Variants in CSMD1 observed in about 807,000 individuals in gnomAD.
CSMD1 encodes CUB and Sushi multiple domains 1.
In CSMD1, 213 loss-of-function variants were observed where a neutral mutation model predicts 417.5. That is an observed-to-expected ratio of 0.51 (90% CI 0.46 to 0.57). The LOEUF (loss-of-function observed/expected upper bound fraction) is 0.57, where lower values mean the gene tolerates loss of function less well. Among genes scored for constraint, CSMD1 ranks in the 20% least tolerant of loss-of-function variants. CSMD1 has a pLI of 0.00. For synonymous variants in CSMD1, 2,862 were observed against 1,736.8 expected (o/e 1.65, Z -16.11); for missense variants, 6,923 against 4,529.7 (o/e 1.53, Z -15.17).
intron 49 of CSMD1, among the ~76,000 whole-genome samples, chr8:3,072,877 T>C (rs556938493): frequency 6.6e-6 from 1 of 152,300 alleles, no homozygotes; most frequent in East Asian, 1.9e-4. Context: ...ATAAATATCA[T>C]GTTAATTCAG....
intron 1 of CSMD1, among the ~76,000 whole-genome samples, chr8:4,911,191 C>T (rs1435582081): frequency 6.6e-6 from 1 of 152,200 alleles, no homozygotes; most frequent in South Asian, 2.1e-4. Flanking sequence ...AATACCAATG[C>T]ACATTAAAGA....
At chr8:4,178,396 A>T (rs1474334163) in intron 3 of CSMD1, among the ~76,000 whole-genome samples, 1 of 150,266 alleles carries the variant, frequency 6.7e-6, no homozygotes, top group Admixed American at 6.7e-5. Context: ...CATGCTAAAA[A>T]CTCTCAATAA....
At chr8:3,230,677 C>A (rs1271598245) in intron 26 of CSMD1, among the ~76,000 whole-genome samples, 2 of 152,032 alleles carry the variant, frequency 1.3e-5, no homozygotes, top group East Asian at 3.9e-4. Flanking sequence ...ATCCAATAAC[C>A]TTTGTTGAGA....
At chr8:4,609,718 C>A (rs1205643145) in intron 2 of CSMD1, among the ~76,000 whole-genome samples, 15 of 151,934 alleles carry the variant, frequency 9.9e-5, no homozygotes. Context: ...GCAATTTAAA[C>A]AAGAAAACAG....
At chr8:3,111,730 G>C (rs1186859453) in intron 42 of CSMD1, among the ~76,000 whole-genome samples, 1 of 152,094 alleles carries the variant, frequency 6.6e-6, no homozygotes, top group South Asian at 2.1e-4. Flanking sequence ...TACTTGGGGG[G>C]TTGAGGCAGG....
intron 4 of CSMD1, among the ~76,000 whole-genome samples, chr8:4,020,467 G>A (rs1458428152): frequency 6.6e-6 from 1 of 152,180 alleles, no homozygotes; most frequent in Non-Finnish European, 1.5e-5. Context: ...GCTTGGTTAT[G>A]TGACCGCTAG....
Position 3,075,749 on chromosome 8 carries a change from A to T in CSMD1, c.7474+11348T>A, listed in dbSNP as rs1333629347. 1.1e-4 allele frequency among the ~76,000 whole-genome samples: 16 copies of T among 152,148 alleles called. 1 individual carries two copies. Among genetic ancestry groups the T allele is most frequent in the Middle Eastern group, 6.8e-3 (2 of 294 alleles). On this transcript the variant is annotated intron_variant, in intron 49 of 69. Transcript: ENST00000635120. ...TTTTTATCTGCAGACACATTAAGTAAGAAATACATTGGCTGGGCGCGGTGG... is the reference window on the plus strand; with the variant it reads ...TTTTTATCTGCAGACACATTAAGTATGAAATACATTGGCTGGGCGCGGTGG...
At chr8:3,900,895 G>A (rs568103919) in intron 5 of CSMD1, among the ~76,000 whole-genome samples, 1 of 152,214 alleles carries the variant, frequency 6.6e-6, no homozygotes, top group Non-Finnish European at 1.5e-5. Flanking sequence ...GCGTTTGCTT[G>A]ATCTGAGTCC....
chr8:4,054,615 C>T (rs922810738), intron 3 of CSMD1, among the ~76,000 whole-genome samples: 19 of 152,142 alleles, frequency 1.2e-4, no homozygotes, highest in Non-Finnish European at 2.2e-4. Context: ...TAGCTTATTT[C>T]CCCATCGGAC....
intron 3 of CSMD1, among the ~76,000 whole-genome samples, chr8:4,133,471 A>C (rs1293016062): frequency 6.6e-6 from 1 of 152,116 alleles, no homozygotes; most frequent in Admixed American, 6.5e-5. Context: ...TTCAGCCCCA[A>C]ATCAGCTAGT....
At chr8:2,976,358 C>A (rs1452859672) in intron 55 of CSMD1, among the ~76,000 whole-genome samples, 1 of 152,036 alleles carries the variant, frequency 6.6e-6, no homozygotes, top group Non-Finnish European at 1.5e-5. Flanking sequence ...CATTTCCCTC[C>A]TCATTTCTAT....
intron 26 of CSMD1, among the ~76,000 whole-genome samples, chr8:3,281,858 T>C (rs925249190): frequency 6.6e-6 from 1 of 152,152 alleles, no homozygotes; most frequent in Non-Finnish European, 1.5e-5. Flanking sequence ...GATTGGATCA[T>C]GGGGGTAGTT....
At chr8:3,556,547 C>CACAT (rs1799160597) in intron 10 of CSMD1, among the ~76,000 whole-genome samples, 1 of 56,564 alleles carries the variant, frequency 1.8e-5, no homozygotes, top group Admixed American at 1.6e-4. Flanking sequence ...CACACACACA[C>CACAT]ACACCCTCTC....
intron 3 of CSMD1, among the ~76,000 whole-genome samples, chr8:4,398,806 T>A (rs1804447232): frequency 1.3e-5 from 2 of 152,232 alleles, no homozygotes; most frequent in South Asian, 4.1e-4. Flanking sequence ...TGAATGACCC[T>A]ATCTTGTGTG....
chr8:4,994,267 CG>C, intron 1 of CSMD1, 64 bp downstream of exon 1: 1 of 1,471,772 alleles, frequency 6.8e-7, no homozygotes, highest in East Asian at 2.3e-5. Flanking sequence ...AACGCACACT[CG>C]CGTCCGCACA....
At chr8:4,520,190 A>G (rs1113226) in intron 2 of CSMD1, among the ~76,000 whole-genome samples, 40,798 of 152,036 alleles carry the variant, frequency 0.27, 6,509 homozygotes, top group South Asian at 0.35. Flanking sequence ...ACTCATAAAA[A>G]TGCAATATCG....
chr8:4,693,506 T>A (rs776350563), intron 1 of CSMD1, among the ~76,000 whole-genome samples: 10 of 152,210 alleles, frequency 6.6e-5, no homozygotes, highest in Non-Finnish European at 1.0e-4. Flanking sequence ...CTGTTCCTCT[T>A]TTTTCACTTG....
intron 3 of CSMD1, among the ~76,000 whole-genome samples, chr8:4,396,440 C>T (rs1343106270): frequency 6.6e-6 from 1 of 152,116 alleles, no homozygotes; most frequent in Non-Finnish European, 1.5e-5. Flanking sequence ...GAACTCTAGC[C>T]TGGTGGGCTA....
At chr8:3,602,691 C>T (rs1293247420) in intron 8 of CSMD1, among the ~76,000 whole-genome samples, 1 of 150,468 alleles carries the variant, frequency 6.6e-6, no homozygotes, top group African/African-American at 2.5e-5. Flanking sequence ...TCTCCTATTT[C>T]AACCCATTCT....
Sources: allele counts gnomAD v4.1 joint callset (sites outside exome capture counted in the v4.1 genomes callset), GRCh38; gene constraint gnomAD v4.1.1; transcripts MANE v1.5; gene names NCBI Gene and HGNC (gene_info 2026-07-23, HGNC 2026-07-21).